Variants in PTP4A1 observed in about 807,000 individuals in gnomAD.
PTP4A1 encodes protein tyrosine phosphatase type IVA 1.
In PTP4A1, 9 loss-of-function variants were observed where a neutral mutation model predicts 20.5. The observed-to-expected ratio is 0.44, with a 90% CI of 0.26 to 0.77. PTP4A1 has a LOEUF of 0.77. Ranked by LOEUF, PTP4A1 falls within the 30% of genes least tolerant of loss-of-function variation. PTP4A1 has a pLI of 0.19. For synonymous variants in PTP4A1, 78 were observed against 67.4 expected (o/e 1.16, Z -0.77); for missense variants, 137 against 218.8 (o/e 0.63, Z 2.36).
chr6:63,563,573 T>C (rs1380936313), intron 3 of PTP4A1, among the ~76,000 whole-genome samples: 1 of 152,264 alleles, frequency 6.6e-6, no homozygotes, highest in Non-Finnish European at 1.5e-5. Flanking sequence ...ATATATTCTA[T>C]GCTTATTTAC....
upstream of PTP4A1, chr6:63,572,074 A>G (rs2149505191): frequency 6.6e-6 from 1 of 152,236 alleles, no homozygotes; most frequent in Non-Finnish European, 1.5e-5. Flanking sequence ...TTCCAGCCCT[A>G]GAAGGATTGC....
chr6:63,529,135 G>A (rs1465310565), intron 2 of PTP4A1, among the ~76,000 whole-genome samples: 2 of 133,918 alleles, frequency 1.5e-5, no homozygotes, highest in South Asian at 4.8e-4. Flanking sequence ...ATATATGTGT[G>A]TGTATATATA....
intron 1 of PTP4A1, among the ~76,000 whole-genome samples, chr6:63,523,863 A>G (rs1237303819): frequency 6.6e-6 from 1 of 152,110 alleles, no homozygotes; most frequent in Non-Finnish European, 1.5e-5. Flanking sequence ...CTGTGTCTGA[A>G]TTTTTAACAG....
At chr6:63,518,925 A>G (rs1254592647), upstream of PTP4A1, among the ~76,000 whole-genome samples, 1 of 152,236 alleles carries the variant, frequency 6.6e-6, no homozygotes, top group Non-Finnish European at 1.5e-5. Flanking sequence ...TACATATGCC[A>G]TATATTATAC....
intron 3 of PTP4A1, among the ~76,000 whole-genome samples, chr6:63,566,885 A>G (rs1777214128): frequency 6.6e-6 from 1 of 152,216 alleles, no homozygotes; most frequent in Non-Finnish European, 1.5e-5. Context: ...AGTTTATGTG[A>G]TATTCTAAAT....
chr6:63,574,817 G>A (rs1417396810), intron 1 of PTP4A1, among the ~76,000 whole-genome samples: 1 of 152,158 alleles, frequency 6.6e-6, no homozygotes, highest in Non-Finnish European at 1.5e-5. Flanking sequence ...AGAATTTGGG[G>A]TGAAAGTATA....
intron 2 of PTP4A1, among the ~76,000 whole-genome samples, chr6:63,537,402 G>A (rs1412778927): frequency 6.6e-6 from 1 of 152,104 alleles, no homozygotes; most frequent in East Asian, 1.9e-4. Context: ...GTAACACCTG[G>A]GAGATTTCAA....
chr6:63,534,452 A>AACACACAC (rs61533550), intron 2 of PTP4A1, among the ~76,000 whole-genome samples: 144 of 144,506 alleles, frequency 1.0e-3, no homozygotes, highest in African/African-American at 2.8e-3. Flanking sequence ...CACACAGAGA[A>AACACACAC]ACACACACAC....
intron 2 of PTP4A1, among the ~76,000 whole-genome samples, chr6:63,538,421 A>T (rs191484789): frequency 6.6e-6 from 1 of 152,240 alleles, no homozygotes; most frequent in African/African-American, 2.4e-5. Flanking sequence ...TAAAAGATCA[A>T]TGTTGGATAT....
chr6:63,564,926 C>T (rs1321011623), intron 3 of PTP4A1, among the ~76,000 whole-genome samples: 1 of 152,164 alleles, frequency 6.6e-6, no homozygotes. Context: ...ATAATAAGTC[C>T]TTTATTCAGT....
chr6:63,572,718 C>T lies in PTP4A1; in HGVS notation c.-447C>T. ...CAATCTTCAATGAGTAAACATATTC[C>T]TGTGAGTAGCCGTCGCATCGTCGCC... On this transcript the variant is annotated splice_region_variant and 5_prime_UTR_variant, in exon 1 of 6. Transcript: ENST00000626021. The T allele has an allele frequency of 2.5e-6, 1 of 398,664 alleles. No individual in the cohort carries two copies. Among genetic ancestry groups the T allele is most frequent in the East Asian group, 3.6e-5 (1 of 28,054 alleles). The allele number at this position is 398,664 out of a possible 1,614,324, so 24.7% of individuals were successfully genotyped here. A position where few individuals can be genotyped will look rare whatever the true frequency, so the allele number is the denominator to read the frequency against.
intron 2 of PTP4A1, among the ~76,000 whole-genome samples, chr6:63,539,388 CCAACCT>C (rs1406491987): frequency 1.3e-4 from 20 of 152,294 alleles, no homozygotes; most frequent in African/African-American, 4.8e-4. Flanking sequence ...CATCCCACTT[CCAACCT>C]CAACCATAGG....
chr6:63,538,586 G>T (rs924645511), intron 2 of PTP4A1, among the ~76,000 whole-genome samples: 2 of 152,160 alleles, frequency 1.3e-5, no homozygotes, highest in Admixed American at 6.5e-5. Flanking sequence ...ATATAAAATA[G>T]TGCAAATACC....
intron 1 of PTP4A1, among the ~76,000 whole-genome samples, chr6:63,525,355 T>TG (rs1037098732): frequency 1.3e-5 from 2 of 152,150 alleles, no homozygotes; most frequent in African/African-American, 4.8e-5. Flanking sequence ...ATTCTGCCAA[T>TG]GGGGGAGCTA....
At chr6:63,556,224 A>G (rs1332435404) in intron 3 of PTP4A1, among the ~76,000 whole-genome samples, 2 of 151,748 alleles carry the variant, frequency 1.3e-5, no homozygotes, top group East Asian at 1.9e-4. Flanking sequence ...CAGTGCCACA[A>G]TCACAGCTCA....
chr6:63,566,802 T>C (rs1777208853), intron 3 of PTP4A1, among the ~76,000 whole-genome samples: 1 of 152,208 alleles, frequency 6.6e-6, no homozygotes, highest in Non-Finnish European at 1.5e-5. Flanking sequence ...TTTGATAGTA[T>C]TTTACACACA....
chr6:63,564,322 T>G (rs1777094467), intron 3 of PTP4A1, among the ~76,000 whole-genome samples: 1 of 152,034 alleles, frequency 6.6e-6, no homozygotes, highest in South Asian at 2.1e-4. Context: ...CTATACTCAT[T>G]TTCTCTTATG....
chr6:63,539,150 T>C (rs1395057315), intron 2 of PTP4A1, among the ~76,000 whole-genome samples: 3 of 152,184 alleles, frequency 2.0e-5, no homozygotes, highest in Non-Finnish European at 4.4e-5. Context: ...CACCTTGGCT[T>C]CCCAAAGTAC....
chr6:63,539,141 A>G (rs1002805003), intron 2 of PTP4A1, among the ~76,000 whole-genome samples: 23 of 152,060 alleles, frequency 1.5e-4, no homozygotes, highest in Non-Finnish European at 3.2e-4. Flanking sequence ...TGGTCCACCC[A>G]CCTTGGCTTC....
Sources: gnomAD v4.1 joint callset for allele counts (sites outside exome capture counted in the v4.1 genomes callset) on GRCh38, gnomAD v4.1.1 for gene constraint, MANE v1.5 for transcripts, NCBI Gene and HGNC (gene_info 2026-07-23, HGNC 2026-07-21) for gene names.